The following SGCZ variants were observed in gnomAD, a reference collection of about 807,000 sequenced individuals.
SGCZ encodes sarcoglycan zeta, also known as zeta-sarcoglycan.
A neutral mutation model predicts 41.3 loss-of-function variants in SGCZ; 40 were observed. That is an observed-to-expected ratio of 0.97 (90% CI 0.75 to 1.26). SGCZ has a LOEUF of 1.26. Ranked by LOEUF, SGCZ falls within the 50% of genes most tolerant of loss-of-function variation. The pLI is 0.00. For missense variants in SGCZ, 552 were observed against 369.8 expected, an observed-to-expected ratio of 1.49 and a Z score of -4.04; for synonymous variants, 206 against 137.5, an observed-to-expected ratio of 1.50 and a Z score of -3.49.
At chr8:15,030,550 G>A (rs907980402) in intron 1 of SGCZ, among the ~76,000 whole-genome samples, 9 of 152,114 alleles carry the variant, frequency 5.9e-5, no homozygotes, top group African/African-American at 2.2e-4. Flanking sequence ...CATGAGAAGA[G>A]CTGTAAATGC....
intron 1 of SGCZ, among the ~76,000 whole-genome samples, chr8:14,602,785 A>G (rs1805634713): frequency 6.6e-6 from 1 of 152,176 alleles, no homozygotes; most frequent in South Asian, 2.1e-4. Context: ...TTTGAGAGTA[A>G]TAACCTTAAA....
chr8:15,077,514 A>C (rs566672745), intron 1 of SGCZ, among the ~76,000 whole-genome samples: 1 of 152,332 alleles, frequency 6.6e-6, no homozygotes, highest in Admixed American at 6.5e-5. Flanking sequence ...CAGTCAATCA[A>C]AGAAATTGAA....
chr8:15,202,823 A>C (rs913591927), intron 1 of SGCZ, among the ~76,000 whole-genome samples: 3 of 152,090 alleles, frequency 2.0e-5, no homozygotes, highest in African/African-American at 7.2e-5. Flanking sequence ...AGGTTAAGAC[A>C]AACCTGGCCG....
At chr8:14,613,777 C>G (rs1806006861) in intron 1 of SGCZ, among the ~76,000 whole-genome samples, 1 of 152,012 alleles carries the variant, frequency 6.6e-6, no homozygotes, top group African/African-American at 2.4e-5. Flanking sequence ...GAGGATTAAA[C>G]AGGGGTTTAA....
chr8:14,943,089 C>G (rs946306077), intron 1 of SGCZ, among the ~76,000 whole-genome samples: 1 of 152,092 alleles, frequency 6.6e-6, no homozygotes, highest in Non-Finnish European at 1.5e-5. Context: ...TTCACTAGAA[C>G]TCACAGAATA....
At chr8:14,853,739 C>T (rs185929851) in intron 1 of SGCZ, among the ~76,000 whole-genome samples, 80 of 152,018 alleles carry the variant, frequency 5.3e-4, no homozygotes, top group Admixed American at 3.4e-3. Context: ...CCTAGTGAAA[C>T]GCTTGGGAAA....
At chr8:14,739,498 T>A (rs1433750035) in intron 1 of SGCZ, among the ~76,000 whole-genome samples, 1 of 152,092 alleles carries the variant, frequency 6.6e-6, no homozygotes, top group Non-Finnish European at 1.5e-5. Flanking sequence ...AGAGTTTACA[T>A]ATTCTGTCTC....
chr8:14,540,909 T>G (rs1038431220), intron 2 of SGCZ, among the ~76,000 whole-genome samples: 1 of 151,750 alleles, frequency 6.6e-6, no homozygotes, highest in Non-Finnish European at 1.5e-5. Flanking sequence ...TGTTCTTTAC[T>G]GCTTGTTATG....
intron 1 of SGCZ, among the ~76,000 whole-genome samples, chr8:14,910,336 C>T (rs1317350801): frequency 6.6e-6 from 1 of 152,002 alleles, no homozygotes; most frequent in Non-Finnish European, 1.5e-5. Flanking sequence ...AAACATCTCT[C>T]ACAGTACCAT....
chr8:14,891,067 G>T (rs932567076), intron 1 of SGCZ, among the ~76,000 whole-genome samples: 3 of 152,106 alleles, frequency 2.0e-5, no homozygotes, highest in South Asian at 2.1e-4. Flanking sequence ...CAACCAAAAG[G>T]CCTGGAGATA....
chr8:14,487,050 G>A (rs1585580651), intron 2 of SGCZ, among the ~76,000 whole-genome samples: 1 of 152,132 alleles, frequency 6.6e-6, no homozygotes, highest in African/African-American at 2.4e-5. Context: ...CACTAGGAGT[G>A]ACTCTGAGCC....
chr8:15,090,728 G>C (rs1806125978), intron 1 of SGCZ, among the ~76,000 whole-genome samples: 1 of 152,152 alleles, frequency 6.6e-6, no homozygotes, highest in South Asian at 2.1e-4. Flanking sequence ...TTAATGATGT[G>C]TGAGTCGATA....
intron 2 of SGCZ, among the ~76,000 whole-genome samples, chr8:14,551,269 G>C (rs1803800502): frequency 1.4e-5 from 2 of 143,760 alleles, no homozygotes; most frequent in African/African-American, 5.1e-5. Flanking sequence ...GAGTGTTGAC[G>C]CTAGAAAAGA....
At chr8:14,177,675 A>ATTTTTTTTTTT (rs1193141913) in intron 4 of SGCZ, among the ~76,000 whole-genome samples, 145 of 111,326 alleles carry the variant, frequency 1.3e-3, no homozygotes, top group Non-Finnish European at 2.0e-3. Flanking sequence ...ACGCCCTGCT[A>ATTTTTTTTTTT]TTTTTTTTTT....
intron 1 of SGCZ, among the ~76,000 whole-genome samples, chr8:14,764,000 C>G (rs1799966849): frequency 6.6e-6 from 1 of 152,140 alleles, no homozygotes; most frequent in African/African-American, 2.4e-5. Flanking sequence ...TTTCTAAATG[C>G]TATTCCCTAT....
intron 2 of SGCZ, among the ~76,000 whole-genome samples, chr8:14,425,251 T>C (rs1799746511): frequency 6.6e-6 from 1 of 152,182 alleles, no homozygotes; most frequent in Non-Finnish European, 1.5e-5. Context: ...GAGTATCATC[T>C]TCTGTTTATC....
intron 1 of SGCZ, among the ~76,000 whole-genome samples, chr8:15,136,323 G>C (rs1301847405): frequency 6.6e-6 from 1 of 152,074 alleles, no homozygotes; most frequent in African/African-American, 2.4e-5. Context: ...TAAGCCATGA[G>C]ATGGCATTCT....
intron 1 of SGCZ, among the ~76,000 whole-genome samples, chr8:14,878,179 C>CTTCTTTTT (rs1256119173): frequency 2.0e-5 from 3 of 150,736 alleles, no homozygotes; most frequent in East Asian, 3.9e-4. Flanking sequence ...TCAAGGCAGT[C>CTTCTTTTT]TTCTTTTTTT....
At chr8:14,380,763 G>T (rs563332951) in intron 2 of SGCZ, among the ~76,000 whole-genome samples, 1 of 152,262 alleles carries the variant, frequency 6.6e-6, no homozygotes, top group African/African-American at 2.4e-5. Flanking sequence ...GAAGGCCGAG[G>T]TAGGAGAATC....
Sources: gnomAD v4.1 joint callset for allele counts (sites outside exome capture counted in the v4.1 genomes callset) on GRCh38, gnomAD v4.1.1 for gene constraint, MANE v1.5 for transcripts, NCBI Gene and HGNC (gene_info 2026-07-23, HGNC 2026-07-21) for gene names.